Variants in EPB41L1 observed in about 807,000 individuals in gnomAD.
The protein encoded by EPB41L1 is band 4.1-like protein 1.
A neutral mutation model predicts 97.8 loss-of-function variants in EPB41L1; 29 were observed. That is an observed-to-expected ratio of 0.30 (90% CI 0.22 to 0.40). The LOEUF is 0.40. EPB41L1 is among the 10% of genes least tolerant of loss of function. The pLI is 1.00. For missense variants in EPB41L1, 812 were observed against 1,162.3 expected (o/e 0.70, Z 4.38); for synonymous variants, 383 against 459.2 (o/e 0.83, Z 2.12).
chr20:36,155,692 T>C (rs1253127474), intron 1 of EPB41L1: 3 of 453,912 alleles, frequency 6.6e-6, no homozygotes, highest in Non-Finnish European at 1.3e-5. Context: ...GTTCTGGGGA[T>C]GCTGGTCTCT....
intron 11 of EPB41L1, 56 bp from the exon 12 acceptor site, chr20:36,194,156 G>A: frequency 6.2e-7 from 1 of 1,610,944 alleles, no homozygotes; most frequent in Middle Eastern, 2.2e-4. Context: ...CTGGTTCTCT[G>A]TCTGTTCTCT....
At chr20:36,113,466 G>C (rs2058483907) in intron 2 of EPB41L1, among the ~76,000 whole-genome samples, 1 of 150,500 alleles carries the variant, frequency 6.6e-6, no homozygotes, top group Non-Finnish European at 1.5e-5. Context: ...ACACATGTGT[G>C]TGCACCTGTA....
chr20:36,227,344 A>G (rs1160028211), intron 21 of EPB41L1, among the ~76,000 whole-genome samples: 1 of 152,162 alleles, frequency 6.6e-6, no homozygotes, highest in Non-Finnish European at 1.5e-5. Context: ...GAAACGAAGG[A>G]AGGAAGGAAT....
chr20:36,118,223 G>A (rs887455727), intron 2 of EPB41L1, among the ~76,000 whole-genome samples: 7 of 152,206 alleles, frequency 4.6e-5, no homozygotes, highest in Admixed American at 2.0e-4. Flanking sequence ...CAGATGGTGC[G>A]TGCCTATAAT....
At position 36,185,292 on chromosome 20, in the gene EPB41L1, C is replaced by T. The variant is rs757020463; in HGVS notation, c.742C>T (p.Arg248Trp). 10 of 1,613,556 alleles carry T rather than the reference C, an allele frequency of 6.2e-6. No homozygotes were observed. Among genetic ancestry groups the T allele is most frequent in the African/African-American group, 2.7e-5 (2 of 74,916 alleles). The change falls in exon 7 of 22, where the codon CGG (arginine) becomes TGG (tryptophan). Residue 248 changes from arginine to tryptophan, a missense_variant. By Grantham distance (101) the Arg-to-Trp change is moderately radical. Transcript: ENST00000338074. Reference protein sequence around the residue: ...SELRFAPNQTRELEERIMELH... With the variant: ...SELRFAPNQTWELEERIMELH... The stretch of plus-strand genomic sequence containing the variant: ...GCTCCGCTTCGCCCCTAACCAGACC[C>T]GGGAGCTGGAGGAGAGGATCATGGA...
At chr20:36,096,221 G>C (rs967857235) in intron 1 of EPB41L1, among the ~76,000 whole-genome samples, 5 of 152,122 alleles carry the variant, frequency 3.3e-5, no homozygotes, top group African/African-American at 9.7e-5. Context: ...AGCCTCCCCT[G>C]TCCCTCACAC....
At position 36,212,022 on chromosome 20, in the gene EPB41L1, C is replaced by T. The variant is rs2063160447; in HGVS notation, c.2080-250C>T. 6.6e-6 allele frequency among the ~76,000 whole-genome samples: 1 copy of T among 152,194 alleles called. No individual in the cohort carries two copies. Among genetic ancestry groups the T allele is most frequent in the Non-Finnish European group, 1.5e-5 (1 of 68,032 alleles). ...TAGCCTAAAAAACAGCATATAGCCA[C>T]CATGAGGGTGTGTGGCACAGGGGCG... On this transcript the variant is annotated intron_variant, in intron 15 of 21. Transcript: ENST00000338074. This position sits in a 1 kb window ranked among gnomAD's most constrained non-coding sequence, Gnocchi z 4.8.
In EPB41L1 at chr20:36,209,937, A is replaced by G; in HGVS notation, c.2079+39A>G. ...TCCTCAAGAGCCAGGCCCGCTGGGC[A>G]CCGCATGCTCAGAGGGCCCTGGGCC... On this transcript the variant is annotated intron_variant, in intron 15 of 21. Transcript: ENST00000338074. This position sits in a 1 kb window ranked among gnomAD's most constrained non-coding sequence, Gnocchi z 4.2. 1 of 1,607,364 alleles carries G rather than the reference A, an allele frequency of 6.2e-7. No individual in the cohort carries two copies. Among genetic ancestry groups the G allele is most frequent in the Non-Finnish European group, 8.5e-7 (1 of 1,177,674 alleles).
At chr20:36,152,303 G>A (rs1469909445), upstream of EPB41L1, 2 of 152,298 alleles carry the variant, frequency 1.3e-5, no homozygotes, top group African/African-American at 4.8e-5. Flanking sequence ...AGCCCTTTGG[G>A]TATAAATGCA....
rs753672967 is a variant in EPB41L1 at position 36,222,345 on chromosome 20, T to C, written c.2588T>C (p.Val863Ala). Reference protein sequence around the residue: ...HPDMLVTKAVVYRETDPSPEE... With the variant: ...HPDMLVTKAVAYRETDPSPEE... ...GATATGCTGGTAACCAAAGCTGTCG[T>C]ATACAGAGAAACAGACCCATCCCCA... The change falls in exon 21 of 22, where the codon GTA (valine) becomes GCA (alanine). Residue 863 changes from valine to alanine, a missense_variant. Physicochemically the swap from Val to Ala is moderately conservative, Grantham distance 64. Transcript: ENST00000338074. The C allele has an allele frequency of 1.7e-5, 28 of 1,613,914 alleles. No homozygotes were observed. The highest frequency in any genetic ancestry group is 2.3e-5 in the Non-Finnish European group (27 of 1,180,012).
chr20:36,204,136 T>C (rs1019709286), intron 14 of EPB41L1, among the ~76,000 whole-genome samples: 3 of 152,182 alleles, frequency 2.0e-5, no homozygotes, highest in Admixed American at 1.3e-4. Context: ...ACTTGCTCCC[T>C]GTATGGCCTT....
chr20:36,181,010 A>T (rs182562011), intron 5 of EPB41L1, among the ~76,000 whole-genome samples: 66 of 152,288 alleles, frequency 4.3e-4, no homozygotes, highest in Non-Finnish European at 4.4e-5. Flanking sequence ...CTTCAGGATG[A>T]TTATGAAGAT....
chr20:36,153,211 C>T (rs2060128549), upstream of EPB41L1: 2 of 399,400 alleles, frequency 5.0e-6, no homozygotes, highest in Non-Finnish European at 1.0e-5. Flanking sequence ...TCTTTGGAGG[C>T]CCTAGAGTGC....
At chr20:36,155,738 C>G (rs563893694) in intron 1 of EPB41L1, 1 of 432,308 alleles carries the variant, frequency 2.3e-6, no homozygotes, top group African/African-American at 2.0e-5. Flanking sequence ...GCTTTTCCCT[C>G]GGAGCTCTGA....
In EPB41L1 at chr20:36,137,377, G is replaced by C. The variant is rs143275151; in HGVS notation, c.-10+24897G>C. ...AGGCATGAGCCACTGCGCTGGGGCA[G>C]CTAATTAAAAAAAATTTTTTTTGGA... is the stretch of plus-strand genomic sequence containing the variant. On this transcript the variant is annotated intron_variant, in intron 2 of 19. Coordinates refer to the EPB41L1 transcript ENST00000202028. Among the ~76,000 whole-genome samples, 1,295 of 150,500 alleles carry C rather than the reference G, an allele frequency of 8.6e-3. 27 individuals are homozygous for C. Among genetic ancestry groups the C allele is most frequent in the African/African-American group, 0.03 (1,213 of 40,926 alleles).
intron 2 of EPB41L1, among the ~76,000 whole-genome samples, chr20:36,124,209 C>G (rs939433097): frequency 1.3e-5 from 2 of 152,102 alleles, no homozygotes; most frequent in Admixed American, 1.3e-4. Context: ...GAGCCGAGAT[C>G]GCGCCACTGC....
chr20:36,155,105 G>T, intron 1 of EPB41L1: 2 of 512,340 alleles, frequency 3.9e-6, no homozygotes, highest in African/African-American at 2.0e-5. Flanking sequence ...GGATCCGGAG[G>T]CTGGGGGTTG....
At chr20:36,110,650 CACA>C (rs1158678283) in intron 1 of EPB41L1, 5 of 153,668 alleles carry the variant, frequency 3.3e-5, no homozygotes, top group African/African-American at 1.2e-4. Flanking sequence ...CACACACACA[CACA>C]CACACACACC....
Position 36,198,013 on chromosome 20 carries a change from C to A in EPB41L1, c.1640C>A (p.Pro547His), listed in dbSNP as rs6089016. ...CCCTCCTCCCCCGCCTCCCCCTCCC[C>A]CAAGGGCACCCCTGAGAAAGCCAAT... The part of the protein sequence containing the change: ...RLPSSPASPS[P>H]KGTPEKANER... Residue 547 changes from proline to histidine, a missense_variant, in exon 14 of 22, where the codon CCC becomes CAC. By Grantham distance (77) the Pro-to-His change is moderately conservative. Coordinates refer to ENST00000338074, the MANE Select transcript of EPB41L1 (RefSeq NM_012156.2). The A allele has an allele frequency of 6.2e-7, 1 of 1,613,666 alleles. No individual in the cohort carries two copies.
Sources: gnomAD v4.1 joint callset for allele counts (sites outside exome capture counted in the v4.1 genomes callset) on GRCh38, gnomAD v4.1.1 for gene constraint, Gnocchi (gnomAD v3.1) non-coding constraint, MANE v1.5 for transcripts, NCBI Gene and HGNC (gene_info 2026-07-23, HGNC 2026-07-21) for gene names.